The following SORCS1 variants were observed in gnomAD, a reference collection of about 807,000 sequenced individuals.
SORCS1 encodes the protein sortilin related VPS10 domain containing receptor 1.
In SORCS1, 60 loss-of-function variants were observed where a neutral mutation model predicts 146.1. The observed-to-expected ratio is 0.41, with a 90% CI of 0.33 to 0.51. The LOEUF (loss-of-function observed/expected upper bound fraction) is 0.51, where lower values mean the gene tolerates loss of function less well. SORCS1 is among the 20% of genes least tolerant of loss of function. The pLI is 0.21. For missense variants in SORCS1, 1,352 were observed against 1,487.6 expected (o/e 0.91, Z 1.50); for synonymous variants, 637 against 584.0 (o/e 1.09, Z -1.31).
At chr10:106,765,997 G>A (rs567695458) in intron 4 of SORCS1, among the ~76,000 whole-genome samples, 2 of 152,278 alleles carry the variant, frequency 1.3e-5, no homozygotes, top group South Asian at 2.1e-4. Flanking sequence ...GCTAAGAGTT[G>A]TGATAACGTT....
chr10:106,836,796 A>G (rs1048770604), intron 2 of SORCS1, among the ~76,000 whole-genome samples: 4 of 152,152 alleles, frequency 2.6e-5, no homozygotes, highest in African/African-American at 9.7e-5. Context: ...AAGAAGGTAT[A>G]TCCTTTATCT....
At chr10:106,889,016 C>T (rs987503392) in intron 2 of SORCS1, among the ~76,000 whole-genome samples, 2 of 152,072 alleles carry the variant, frequency 1.3e-5, no homozygotes, top group East Asian at 1.9e-4. Context: ...TTCCAATAAA[C>T]GCTTTTTTTC....
chr10:106,714,404 G>A (rs1048263456), intron 6 of SORCS1, among the ~76,000 whole-genome samples: 2 of 151,870 alleles, frequency 1.3e-5, no homozygotes, highest in Non-Finnish European at 2.9e-5. Context: ...ATAGAAGTAG[G>A]TTACCAATTA....
chr10:106,963,415 A>G (rs1485212786), intron 1 of SORCS1, among the ~76,000 whole-genome samples: 2 of 151,992 alleles, frequency 1.3e-5, no homozygotes, highest in African/African-American at 4.8e-5. Flanking sequence ...GCACCCGGCC[A>G]GAAATTTGTT....
chr10:106,881,755 A>G (rs752999008), intron 2 of SORCS1, among the ~76,000 whole-genome samples: 1 of 152,248 alleles, frequency 6.6e-6, no homozygotes, highest in Middle Eastern at 3.2e-3. Flanking sequence ...CACCATTTTT[A>G]GAATAGATTT....
At chr10:106,897,353 G>A (rs1326997352) in intron 2 of SORCS1, among the ~76,000 whole-genome samples, 1 of 152,038 alleles carries the variant, frequency 6.6e-6, no homozygotes. Flanking sequence ...ATGTGCATTG[G>A]TCCAGAAATG....
chr10:106,691,685 C>A (rs1038418341), intron 9 of SORCS1, among the ~76,000 whole-genome samples: 6 of 152,066 alleles, frequency 3.9e-5, no homozygotes, highest in Non-Finnish European at 7.4e-5. Context: ...TCCTGATGTG[C>A]CTCTACCTAT....
intron 2 of SORCS1, among the ~76,000 whole-genome samples, chr10:106,933,702 CAAGT>C (rs1417298167): frequency 6.6e-6 from 1 of 152,120 alleles, no homozygotes; most frequent in Non-Finnish European, 1.5e-5. Context: ...CTCCAACTCC[CAAGT>C]AAGGATAGCT....
intron 2 of SORCS1, among the ~76,000 whole-genome samples, chr10:106,955,030 G>A (rs1270481670): frequency 6.6e-6 from 1 of 152,240 alleles, no homozygotes; most frequent in African/African-American, 2.4e-5. Context: ...CAGTGGCGCT[G>A]GGCCAGCCTA....
At chr10:106,652,607 C>A in intron 17 of SORCS1, 54 bp from the exon 18 acceptor site, 2 of 1,584,696 alleles carry the variant, frequency 1.3e-6, no homozygotes, top group Non-Finnish European at 1.7e-6. Flanking sequence ...GTGAATCATT[C>A]CCACTTTTTA....
chr10:106,640,139 T>A (rs1485303947), intron 18 of SORCS1, among the ~76,000 whole-genome samples: 3 of 152,198 alleles, frequency 2.0e-5, no homozygotes, highest in Non-Finnish European at 2.9e-5. Flanking sequence ...TCAAATTGTG[T>A]CATGAATTCA....
At chr10:106,868,962 A>G (rs1263418058) in intron 2 of SORCS1, among the ~76,000 whole-genome samples, 2 of 152,168 alleles carry the variant, frequency 1.3e-5, no homozygotes, top group Non-Finnish European at 2.9e-5. Context: ...ATAAAGATGA[A>G]AGGAGAGAAG....
At chr10:107,107,969 T>C (rs993442776) in intron 1 of SORCS1, among the ~76,000 whole-genome samples, 7 of 152,194 alleles carry the variant, frequency 4.6e-5, no homozygotes, top group Non-Finnish European at 1.5e-5. Context: ...TAGACACTCT[T>C]AGCTGTGGAC....
intron 2 of SORCS1, among the ~76,000 whole-genome samples, chr10:106,914,239 A>T (rs1952303425): frequency 6.6e-6 from 1 of 152,010 alleles, no homozygotes; most frequent in South Asian, 2.1e-4. Context: ...CTTGTTTCTT[A>T]TGCTGTTTTT....
intron 1 of SORCS1, among the ~76,000 whole-genome samples, chr10:107,014,278 GA>G (rs749134517): frequency 1.4e-5 from 2 of 138,298 alleles, no homozygotes; most frequent in South Asian, 2.2e-4. Flanking sequence ...AAAAAGAAAA[GA>G]AAAAAAGAGA....
At chr10:106,780,919 C>G (rs1860840934) in intron 3 of SORCS1, among the ~76,000 whole-genome samples, 1 of 151,952 alleles carries the variant, frequency 6.6e-6, no homozygotes, top group Admixed American at 6.6e-5. Context: ...TTTGCTTTTC[C>G]TAGAGTAGAC....
chr10:106,726,534 G>A (rs903266650), intron 6 of SORCS1, among the ~76,000 whole-genome samples: 1 of 152,062 alleles, frequency 6.6e-6, no homozygotes, highest in African/African-American at 2.4e-5. Flanking sequence ...CACAGAGAGT[G>A]ATGGCCTCAT....
intron 1 of SORCS1, among the ~76,000 whole-genome samples, chr10:106,979,683 G>A (rs947454759): frequency 1.3e-5 from 2 of 152,190 alleles, no homozygotes; most frequent in Non-Finnish European, 2.9e-5. Context: ...CTGCTTGAAG[G>A]ATATGGGCTC....
chr10:107,089,968 G>T (rs186965637), intron 1 of SORCS1, among the ~76,000 whole-genome samples: 1 of 152,186 alleles, frequency 6.6e-6, no homozygotes, highest in Non-Finnish European at 1.5e-5. Flanking sequence ...TGTGAAGAGG[G>T]CACTAGGAAG....
Sources: allele counts gnomAD v4.1 joint callset (sites outside exome capture counted in the v4.1 genomes callset), GRCh38; gene constraint gnomAD v4.1.1; transcripts MANE v1.5; gene names NCBI Gene and HGNC (gene_info 2026-07-23, HGNC 2026-07-21).